Variants in PNKD observed in about 807,000 individuals in gnomAD.
The protein encoded by PNKD is probable thioesterase PNKD.
PNKD carries 36 observed loss-of-function variants against 45.3 expected under a neutral mutation model. That is an observed-to-expected ratio of 0.80 (90% confidence interval 0.61 to 1.05). PNKD has a LOEUF of 1.05. PNKD is among the 50% of genes least tolerant of loss of function. PNKD has a pLI of 0.00. For missense variants in PNKD, 511 were observed against 506.6 expected, an observed-to-expected ratio of 1.01 and a Z score of -0.08; for synonymous variants, 197 against 210.1, an observed-to-expected ratio of 0.94 and a Z score of 0.54.
At position 218,344,852 on chromosome 2, in the gene PNKD, G is replaced by A; in HGVS notation, c.1029G>A (p.Leu343=). ...AGGAGCGCTCCTACAACCCGTTCCT[G>A]AGAACCCACTGCCTGGCGCTACAGG... ...LGEERSYNPF[L]RTHCLALQEA... is the part of the protein sequence containing the mutation. Residue 343 remains leucine, a synonymous_variant, in exon 10 of 10, where the codon CTG becomes CTA. Coordinates refer to ENST00000273077, the MANE Select transcript of PNKD (RefSeq NM_015488.5). 1 of 1,614,018 alleles carries A rather than the reference G, an allele frequency of 6.2e-7. No homozygotes were observed. Among genetic ancestry groups the A allele is most frequent in the South Asian group, 1.1e-5 (1 of 91,084 alleles).
At chr2:218,301,910 T>C (rs924038781) in intron 2 of PNKD, among the ~76,000 whole-genome samples, 8 of 152,290 alleles carry the variant, frequency 5.3e-5, no homozygotes, top group African/African-American at 1.7e-4. Flanking sequence ...GATACAGAAG[T>C]AAATAAAATA....
chr2:218,301,836 C>T (rs559506926), intron 2 of PNKD, among the ~76,000 whole-genome samples: 1 of 152,170 alleles, frequency 6.6e-6, no homozygotes, highest in African/African-American at 2.4e-5. Context: ...GACTCAACCC[C>T]AATACCATTA....
At chr2:218,304,075 C>G (rs1385864898) in intron 2 of PNKD, among the ~76,000 whole-genome samples, 1 of 152,190 alleles carries the variant, frequency 6.6e-6, no homozygotes, top group East Asian at 1.9e-4. Flanking sequence ...CTCCCTCCCT[C>G]AAGGCTCACC....
chr2:218,270,912 G>A, intron 1 of PNKD: 1 of 365,036 alleles, frequency 2.7e-6, no homozygotes, highest in Non-Finnish European at 4.9e-6. Context: ...GGAGGTTTGA[G>A]TTCCAGCCCC....
At chr2:218,303,544 C>A (rs13430787) in intron 2 of PNKD, among the ~76,000 whole-genome samples, 7,503 of 150,280 alleles carry the variant, frequency 0.05, 621 homozygotes, top group African/African-American at 0.17. Context: ...GGTGTCAATA[C>A]CCCACGACCC....
At chr2:218,302,773 C>T (rs528880701) in intron 2 of PNKD, among the ~76,000 whole-genome samples, 220 of 152,274 alleles carry the variant, frequency 1.4e-3, no homozygotes, top group African/African-American at 4.8e-3. Flanking sequence ...CCTCAGGAGA[C>T]CCTGAGAACA....
chr2:218,289,683 C>T (rs568137345), intron 2 of PNKD, among the ~76,000 whole-genome samples: 6 of 148,026 alleles, frequency 4.1e-5, no homozygotes, highest in Non-Finnish European at 8.9e-5. Context: ...GTTTCTGATT[C>T]TGAATGAACA....
At chr2:218,321,022 CAT>C (rs772885061) in intron 2 of PNKD, among the ~76,000 whole-genome samples, 8 of 152,282 alleles carry the variant, frequency 5.3e-5, no homozygotes, top group Non-Finnish European at 1.0e-4. Context: ...GCCTTGACTC[CAT>C]ATGTTTCATC....
At chr2:218,329,784 C>T (rs1694267158) in intron 2 of PNKD, among the ~76,000 whole-genome samples, 1 of 152,270 alleles carries the variant, frequency 6.6e-6, no homozygotes, top group Non-Finnish European at 1.5e-5. Context: ...TTATCTTCTT[C>T]AGTTTCCTCA....
At chr2:218,286,952 T>C (rs1336850273) in intron 2 of PNKD, 1 of 152,112 alleles carries the variant, frequency 6.6e-6, no homozygotes, top group Non-Finnish European at 1.5e-5. Context: ...CCCTCCCTTT[T>C]CCTTTATCTG....
chr2:218,309,804 G>A (rs925179790), intron 2 of PNKD, among the ~76,000 whole-genome samples: 15 of 152,022 alleles, frequency 9.9e-5, no homozygotes, highest in African/African-American at 3.6e-4. Context: ...GCGTGGTGGT[G>A]CACACCTGTA....
intron 2 of PNKD, chr2:218,280,057 T>C: frequency 6.2e-7 from 1 of 1,614,080 alleles, no homozygotes; most frequent in Non-Finnish European, 8.5e-7. Flanking sequence ...CACTTTCCGG[T>C]CATCCCACTC....
At chr2:218,275,569 C>T (rs1255880355) in intron 2 of PNKD, 2 of 1,614,056 alleles carry the variant, frequency 1.2e-6, no homozygotes, top group Non-Finnish European at 1.7e-6. Flanking sequence ...GTCCTCGGGG[C>T]TGATGGTGTG....
intron 8 of PNKD, 61 bp downstream of exon 8, chr2:218,343,647 C>G (rs1005554494): frequency 1.6e-6 from 2 of 1,252,032 alleles, no homozygotes; most frequent in Non-Finnish European, 2.3e-6. Flanking sequence ...GGACAAGGGC[C>G]TTCCCACCCC....
chr2:218,289,737 A>T (rs189996657), intron 2 of PNKD, among the ~76,000 whole-genome samples: 1,816 of 151,270 alleles, frequency 0.012, 20 homozygotes, highest in Non-Finnish European at 0.018. Flanking sequence ...GCTCCCCAAG[A>T]ACCTACACCA....
intron 2 of PNKD, chr2:218,275,137 C>T (rs1691066193): frequency 5.2e-6 from 1 of 190,716 alleles, no homozygotes; most frequent in Non-Finnish European, 1.1e-5. Context: ...TTTCATATTC[C>T]CTTCTAGCTA....
chr2:218,321,934 CT>C (rs35226712), intron 2 of PNKD, among the ~76,000 whole-genome samples: 1,254 of 120,456 alleles, frequency 0.01, 19 homozygotes, highest in African/African-American at 0.038. Context: ...GAGCTTGACT[CT>C]TTTTTTTTTT....
intron 2 of PNKD, chr2:218,290,195 A>G (rs960034544): frequency 2.0e-5 from 3 of 151,954 alleles, no homozygotes; most frequent in African/African-American, 7.3e-5. Flanking sequence ...AACAATCCAC[A>G]CCCCCTTCTT....
At chr2:218,272,420 G>A (rs940461906) in intron 2 of PNKD, 4 of 716,758 alleles carry the variant, frequency 5.6e-6, no homozygotes, top group African/African-American at 3.5e-5. Context: ...GATTTGTGTG[G>A]GTCCCTCCAG....
Sources: allele counts gnomAD v4.1 joint callset (sites outside exome capture counted in the v4.1 genomes callset), GRCh38; gene constraint gnomAD v4.1.1; transcripts MANE v1.5; gene names NCBI Gene and HGNC (gene_info 2026-07-23, HGNC 2026-07-21).